Variants in UBR3 observed in about 807,000 individuals in gnomAD.
UBR3 encodes the protein E3 ubiquitin-protein ligase UBR3.
In UBR3, 85 loss-of-function variants were observed where a neutral mutation model predicts 243.2. That is an observed-to-expected ratio of 0.35 (90% CI 0.29 to 0.42). The LOEUF (loss-of-function observed/expected upper bound fraction) is 0.42. Among genes scored for constraint, UBR3 ranks in the 10% least tolerant of loss-of-function variants. UBR3 has a pLI of 1.00. For missense variants in UBR3, 1,686 were observed against 2,300.8 expected, an observed-to-expected ratio of 0.73 and a Z score of 5.47; for synonymous variants, 748 against 799.8, an observed-to-expected ratio of 0.94 and a Z score of 1.09.
At chr2:169,851,578 G>T (rs1395763000) in intron 1 of UBR3, among the ~76,000 whole-genome samples, 1 of 152,098 alleles carries the variant, frequency 6.6e-6, no homozygotes, top group Non-Finnish European at 1.5e-5. Context: ...CAATGAGTAG[G>T]TAGTTGGCCA....
intron 25 of UBR3, among the ~76,000 whole-genome samples, chr2:169,991,732 G>A (rs1361096279): frequency 5.3e-5 from 8 of 151,996 alleles, no homozygotes; most frequent in East Asian, 1.9e-4. Flanking sequence ...ACAGGCGCCC[G>A]CCACGATGCC....
At chr2:169,880,540 T>C (rs191273048) in intron 5 of UBR3, among the ~76,000 whole-genome samples, 28 of 152,320 alleles carry the variant, frequency 1.8e-4, no homozygotes, top group African/African-American at 6.5e-4. Context: ...GAGACTTTCA[T>C]TGTACACAAC....
chr2:169,948,988 C>T (rs1490381016), intron 22 of UBR3, among the ~76,000 whole-genome samples: 1 of 151,448 alleles, frequency 6.6e-6, no homozygotes, highest in African/African-American at 2.4e-5. Flanking sequence ...AATCACAAAT[C>T]ACAGTTTTAA....
At chr2:170,005,160 T>G in intron 27 of UBR3, among the ~76,000 whole-genome samples, 1 of 149,392 alleles carries the variant, frequency 6.7e-6, no homozygotes, top group South Asian at 2.1e-4. Flanking sequence ...GGAGGCGGAG[T>G]TTGCAGTCAG....
chr2:169,927,687 T>TA (rs2085962113), intron 17 of UBR3, among the ~76,000 whole-genome samples: 1 of 152,090 alleles, frequency 6.6e-6, no homozygotes, highest in Non-Finnish European at 1.5e-5. Context: ...TTTAACCTCC[T>TA]AGTGGACAGC....
intron 35 of UBR3, among the ~76,000 whole-genome samples, chr2:170,071,197 A>C (rs1280633640): frequency 6.6e-6 from 1 of 152,218 alleles, no homozygotes. Context: ...TATGCTTACT[A>C]TACAACCCAG....
intron 1 of UBR3, among the ~76,000 whole-genome samples, chr2:169,831,997 T>A (rs1472260569): frequency 6.6e-6 from 1 of 152,230 alleles, no homozygotes; most frequent in African/African-American, 2.4e-5. Flanking sequence ...GCCATAATCC[T>A]TTTCACCAGT....
At chr2:170,014,080 G>C (rs1479315631) in intron 29 of UBR3, 2 of 341,234 alleles carry the variant, frequency 5.9e-6, no homozygotes, top group East Asian at 1.7e-4. Context: ...CTCTGAGCTG[G>C]AACGTTATCG....
At chr2:169,918,811 G>C (rs2085569351) in intron 11 of UBR3, among the ~76,000 whole-genome samples, 1 of 152,156 alleles carries the variant, frequency 6.6e-6, no homozygotes, top group Non-Finnish European at 1.5e-5. Context: ...AGTAGAACGT[G>C]CATTCATCCA....
chr2:169,976,224 C>T (rs2088434678), intron 24 of UBR3, among the ~76,000 whole-genome samples: 1 of 150,870 alleles, frequency 6.6e-6, no homozygotes, highest in Non-Finnish European at 1.5e-5. Flanking sequence ...TAATTGTTTT[C>T]TGGTTGTGTA....
At chr2:170,048,622 A>G (rs555956841) in intron 32 of UBR3, among the ~76,000 whole-genome samples, 1 of 152,296 alleles carries the variant, frequency 6.6e-6, no homozygotes, top group East Asian at 1.9e-4. Flanking sequence ...GCAACCTTTT[A>G]TGAGAAATAA....
chr2:169,934,485 C>G (rs2086250623), intron 19 of UBR3, among the ~76,000 whole-genome samples: 2 of 152,108 alleles, frequency 1.3e-5, no homozygotes, highest in Admixed American at 1.3e-4. Flanking sequence ...AATGCTCTGC[C>G]TCGGCCTCCC....
rs10530118 is a variant in UBR3 at position 169,829,814 on chromosome 2, TACACACACACACACACACACAC to T, written c.545+1781_545+1802del. 3.4e-5 allele frequency among the ~76,000 whole-genome samples: 5 copies of T among 149,228 alleles called. No homozygotes were observed. In the South Asian group the frequency reaches 6.4e-4, roughly 19 times the overall value. On this transcript the variant is annotated intron_variant, in intron 1 of 38. Transcript: ENST00000272793. ...ATAGGTAAAATATATAGCTAAAAAG[TACACACACACACACACACACAC>T]ACACACACACACACACACGGAAGTT...
chr2:170,065,301 G>C (rs947648722), intron 35 of UBR3, among the ~76,000 whole-genome samples: 1 of 151,014 alleles, frequency 6.6e-6, no homozygotes, highest in East Asian at 2.0e-4. Context: ...TTGGGTGGGC[G>C]GGAGGAAGAC....
intron 31 of UBR3, among the ~76,000 whole-genome samples, chr2:170,033,943 G>A (rs1363055368): frequency 1.3e-5 from 2 of 150,616 alleles, no homozygotes; most frequent in Non-Finnish European, 3.0e-5. Context: ...TTATAATCTG[G>A]ATTTAAAAGA....
At chr2:170,071,645 T>TTAAAC (rs1198807320) in intron 35 of UBR3, among the ~76,000 whole-genome samples, 10 of 152,166 alleles carry the variant, frequency 6.6e-5, no homozygotes, top group Non-Finnish European at 2.9e-5. Context: ...GCCTTCTTTG[T>TTAAAC]TAAACTATAT....
chr2:169,865,318 C>T (rs1224985179), intron 1 of UBR3, among the ~76,000 whole-genome samples: 2 of 152,114 alleles, frequency 1.3e-5, no homozygotes, highest in African/African-American at 2.4e-5. Context: ...AATGGTCAGT[C>T]CCCACACTAT....
chr2:169,939,488 C>T (rs1413946410), intron 19 of UBR3, among the ~76,000 whole-genome samples: 4 of 149,868 alleles, frequency 2.7e-5, no homozygotes, highest in East Asian at 3.9e-4. Context: ...AGGATGGTCT[C>T]GATCTCCTGA....
chr2:169,909,834 T>C (rs1225317247), intron 10 of UBR3, among the ~76,000 whole-genome samples: 1 of 152,040 alleles, frequency 6.6e-6, no homozygotes, highest in Non-Finnish European at 1.5e-5. Flanking sequence ...GCTGTGACAA[T>C]AGTCTAAACA....
Sources: gnomAD v4.1 joint callset for allele counts (sites outside exome capture counted in the v4.1 genomes callset) on GRCh38, gnomAD v4.1.1 for gene constraint, MANE v1.5 for transcripts, NCBI Gene and HGNC (gene_info 2026-07-23, HGNC 2026-07-21) for gene names.